Variants in FAM241A observed in about 807,000 individuals in gnomAD.
The protein encoded by FAM241A is family with sequence similarity 241 member A, also known as uncharacterized protein FAM241A.
In FAM241A, 7 loss-of-function variants were observed where a neutral mutation model predicts 12.2. That is an observed-to-expected ratio of 0.58 (90% confidence interval 0.33 to 1.08). The LOEUF (loss-of-function observed/expected upper bound fraction) is 1.08, where lower values mean the gene tolerates loss of function less well. Ranked by LOEUF, FAM241A falls within the 50% of genes least tolerant of loss-of-function variation. The pLI, the probability that FAM241A is intolerant of heterozygous loss-of-function variation, is 0.04. For synonymous variants in FAM241A, 74 were observed against 68.2 expected, an observed-to-expected ratio of 1.08 and a Z score of -0.42; for missense variants, 161 against 169.7, an observed-to-expected ratio of 0.95 and a Z score of 0.29.
intron 1 of FAM241A, among the ~76,000 whole-genome samples, chr4:112,155,418 C>A (rs1256885092): frequency 6.6e-6 from 1 of 151,892 alleles, no homozygotes; most frequent in African/African-American, 2.4e-5. Context: ...TCAAAAAAAT[C>A]TTTTTTCTTT....
chr4:112,183,610 A>AG (rs1329433287), intron 1 of FAM241A, among the ~76,000 whole-genome samples: 2 of 152,068 alleles, frequency 1.3e-5, no homozygotes, highest in East Asian at 1.9e-4. Flanking sequence ...TACTGAAAAA[A>AG]AAAGTCTTAA....
chr4:112,167,432 C>T (rs1211052453), intron 1 of FAM241A, among the ~76,000 whole-genome samples: 1 of 152,138 alleles, frequency 6.6e-6, no homozygotes, highest in Admixed American at 6.5e-5. Context: ...TTCATCGAGG[C>T]AGAGGATACT....
Position 112,192,320 on chromosome 4 carries a change from C to T in FAM241A, c.*5382C>T, listed in dbSNP as rs1453739012. ...TTTTTTAATAGACCTTTATTTACTA[C>T]ATTTTAATTTTTTAATTTTTTTCTT... On this transcript the variant is annotated 3_prime_UTR_variant, in exon 2 of 2. Coordinates refer to ENST00000309733, the MANE Select transcript of FAM241A (RefSeq NM_152400.3). The T allele has an allele frequency of 2.6e-5, 4 of 151,878 alleles. No individual in the cohort carries two copies. The highest frequency in any genetic ancestry group is 4.4e-5 in the Non-Finnish European group (3 of 67,960). 9.4% of individuals were successfully genotyped at this position (151,878 alleles called of 1,614,324 possible).
At chr4:112,171,014 TTTTTAAGAAAAGATGAAA>T (rs1433004305) in intron 1 of FAM241A, among the ~76,000 whole-genome samples, 1 of 152,156 alleles carries the variant, frequency 6.6e-6, no homozygotes, top group Non-Finnish European at 1.5e-5. Context: ...TTGTTTTTTA[TTTTTAAGAAAAGATGAAA>T]TTTTTAAAAT....
chr4:112,160,570 A>G (rs374930686), intron 1 of FAM241A, among the ~76,000 whole-genome samples: 1 of 152,210 alleles, frequency 6.6e-6, no homozygotes, highest in Non-Finnish European at 1.5e-5. Flanking sequence ...AAATTTATTT[A>G]CACTCACAGA....
intron 1 of FAM241A, among the ~76,000 whole-genome samples, chr4:112,156,724 A>T (rs1047288189): frequency 3.3e-5 from 5 of 152,208 alleles, no homozygotes; most frequent in African/African-American, 7.2e-5. Context: ...TAACAGGAAC[A>T]TGTCTTCTTA....
intron 1 of FAM241A, among the ~76,000 whole-genome samples, chr4:112,169,103 C>A (rs1460667145): frequency 6.6e-6 from 1 of 152,174 alleles, no homozygotes; most frequent in Non-Finnish European, 1.5e-5. Context: ...AAACTCCTAT[C>A]CTAAAATGTA....
At chr4:112,158,304 G>A (rs1723393994) in intron 1 of FAM241A, among the ~76,000 whole-genome samples, 1 of 152,054 alleles carries the variant, frequency 6.6e-6, no homozygotes, top group African/African-American at 2.4e-5. Context: ...ATATACTGAA[G>A]ATACTTTCTC....
intron 1 of FAM241A, among the ~76,000 whole-genome samples, chr4:112,157,436 AATAG>A (rs1364996778): frequency 6.6e-6 from 1 of 152,136 alleles, no homozygotes; most frequent in Non-Finnish European, 1.5e-5. Flanking sequence ...GCTTATTCTA[AATAG>A]ATAAAGATAA....
rs1724181908 is a variant in FAM241A, at chr4:112,192,322, T to C, written c.*5384T>C. ...TTTTAATAGACCTTTATTTACTACA[T>C]TTTAATTTTTTAATTTTTTTCTTTT... On this transcript the variant is annotated 3_prime_UTR_variant, in exon 2 of 2. Transcript: ENST00000309733. 6.6e-6 allele frequency: 1 copy of C among 151,846 alleles called. No individual in the cohort carries two copies. Among genetic ancestry groups the C allele is most frequent in the South Asian group, 2.1e-4 (1 of 4,830 alleles). 9.4% of individuals were successfully genotyped at this position (151,846 alleles called of 1,614,324 possible).
intron 1 of FAM241A, chr4:112,171,319 C>T (rs1723714964): frequency 1.3e-6 from 1 of 753,678 alleles, no homozygotes; most frequent in African/African-American, 1.7e-5. Context: ...TCTCTGTATG[C>T]CCAGGGAAAG....
At position 112,186,716 on chromosome 4, in the gene FAM241A, C is replaced by T. The variant is rs779586463; in HGVS notation, c.177C>T (p.His59=). 2.4e-5 allele frequency: 39 copies of T among 1,611,838 alleles called. No homozygotes were observed. The highest frequency in any genetic ancestry group is 3.0e-5 in the Non-Finnish European group (35 of 1,179,052). ...SEQDVEDSQN[H]TGEPVGDDYK... ...AGGATGTTGAAGACTCACAGAACCA[C>T]ACTGGTGAGCCGGTTGGAGATGACT... The change falls in exon 2 of 2, where the codon CAC becomes CAT. Residue 59 remains histidine (H), a synonymous_variant. Transcript: ENST00000309733.
At chr4:112,164,724 A>G (rs1578373495) in intron 1 of FAM241A, among the ~76,000 whole-genome samples, 1 of 152,244 alleles carries the variant, frequency 6.6e-6, no homozygotes, top group East Asian at 1.9e-4. Context: ...ATTAATAACC[A>G]GAATATATAA....
At position 112,194,161 on chromosome 4, in the gene FAM241A, G is replaced by A. The variant is rs1724221208; in HGVS notation, c.*7223G>A. On this transcript the variant is annotated 3_prime_UTR_variant, in exon 2 of 2. Coordinates refer to ENST00000309733, the MANE Select transcript of FAM241A (RefSeq NM_152400.3). ...TTGGCTCTCTGTTTGTCTGTTATTG[G>A]TGTATAAGAATGCTTGTGATTTTTG... 1 of 138,334 alleles carries A rather than the reference G, an allele frequency of 7.2e-6. No homozygotes were observed. Among genetic ancestry groups the A allele is most frequent in the African/African-American group, 2.8e-5 (1 of 35,366 alleles). 8.6% of individuals were successfully genotyped at this position (138,334 alleles called of 1,614,324 possible).
intron 1 of FAM241A, among the ~76,000 whole-genome samples, chr4:112,161,141 C>A (rs1160762155): frequency 2.0e-5 from 3 of 152,158 alleles, no homozygotes; most frequent in African/African-American, 7.2e-5. Flanking sequence ...ATAACAGAAT[C>A]TCTGGGACAC....
intron 1 of FAM241A, among the ~76,000 whole-genome samples, chr4:112,181,491 G>A: frequency 6.6e-6 from 1 of 152,132 alleles, no homozygotes; most frequent in East Asian, 1.9e-4. Context: ...CATATCAGAG[G>A]ATATCAGTGG....
In FAM241A at chr4:112,190,211, G is replaced by T. The variant is rs187417940; in HGVS notation, c.*3273G>T. The T allele has an allele frequency of 1.4e-4, 21 of 152,286 alleles. No individual in the cohort carries two copies. Among genetic ancestry groups the T allele is most frequent in the African/African-American group, 4.8e-4 (20 of 41,556 alleles). 9.4% of individuals were successfully genotyped at this position (152,286 alleles called of 1,614,324 possible). ...AGGAAAAATTACAGTATAAGTAAAG[G>T]TCTGTTGTAATATAGAAAGCTCAAA... On this transcript the variant is annotated 3_prime_UTR_variant, in exon 2 of 2. Coordinates refer to ENST00000309733, the MANE Select transcript of FAM241A (RefSeq NM_152400.3).
At chr4:112,172,927 A>C (rs1035439579) in intron 1 of FAM241A, among the ~76,000 whole-genome samples, 4 of 152,100 alleles carry the variant, frequency 2.6e-5, no homozygotes, top group African/African-American at 4.8e-5. Flanking sequence ...TGGCCTTGTC[A>C]CCCAGGCTGG....
intron 1 of FAM241A, among the ~76,000 whole-genome samples, chr4:112,170,544 G>A (rs573081070): frequency 6.6e-6 from 1 of 152,228 alleles, no homozygotes; most frequent in East Asian, 1.9e-4. Flanking sequence ...TAATTGAGGT[G>A]ACTACTAAGC....
Sources: gnomAD v4.1 joint callset for allele counts (sites outside exome capture counted in the v4.1 genomes callset) on GRCh38, gnomAD v4.1.1 for gene constraint, MANE v1.5 for transcripts, NCBI Gene and HGNC (gene_info 2026-07-23, HGNC 2026-07-21) for gene names.